GALNT14: variants seen among roughly 807,000 people sequenced by gnomAD.
GALNT14 encodes polypeptide N-acetylgalactosaminyltransferase 14, also known as UDP-GalNAc:polypeptide N-acetylgalactosaminyltransferase 14.
Under a neutral mutation model 77.5 loss-of-function variants are expected in GALNT14, and 60 were observed. The ratio of observed to expected loss-of-function variants is 0.77; its 90% CI spans 0.63 to 0.96. GALNT14 has a LOEUF of 0.96. Among genes scored for constraint, GALNT14 ranks in the 40% least tolerant of loss-of-function variants. The pLI, the probability that GALNT14 is intolerant of heterozygous loss-of-function variation, is 0.00. For missense variants in GALNT14, 710 were observed against 731.0 expected (o/e 0.97, Z 0.33); for synonymous variants, 280 against 281.7 (o/e 0.99, Z 0.06).
At chr2:31,100,905 C>A (rs1238490130) in intron 1 of GALNT14, among the ~76,000 whole-genome samples, 1 of 151,998 alleles carries the variant, frequency 6.6e-6, no homozygotes, top group Admixed American at 6.6e-5. Context: ...AATCATCTAA[C>A]ACAAACCCTA....
the GALNT14 span, among the ~76,000 whole-genome samples, chr2:30,892,763 T>C: frequency 6.6e-6 from 1 of 152,200 alleles, no homozygotes. Flanking sequence ...ACAATGCTGA[T>C]ATCCTGACTT....
At chr2:31,124,632 T>C (rs1678606240) in intron 1 of GALNT14, among the ~76,000 whole-genome samples, 1 of 152,218 alleles carries the variant, frequency 6.6e-6, no homozygotes, top group Non-Finnish European at 1.5e-5. Context: ...TTTGTTTGTT[T>C]GTTTTTGAAA....
chr2:31,049,232 G>T (rs1051471253), intron 1 of GALNT14, among the ~76,000 whole-genome samples: 2 of 152,172 alleles, frequency 1.3e-5, no homozygotes, highest in South Asian at 4.1e-4. Flanking sequence ...CTTCTCAGGG[G>T]TGGGCTCTGT....
chr2:30,958,898 A>G (rs1167242282), intron 3 of GALNT14, among the ~76,000 whole-genome samples: 1 of 152,174 alleles, frequency 6.6e-6, no homozygotes, highest in Non-Finnish European at 1.5e-5. Flanking sequence ...GAACTTTCTG[A>G]CAAGGAGCTT....
intron 2 of GALNT14, among the ~76,000 whole-genome samples, chr2:30,989,006 C>G (rs1390617975): frequency 6.6e-6 from 1 of 152,190 alleles, no homozygotes; most frequent in Non-Finnish European, 1.5e-5. Flanking sequence ...GGCCCCATCT[C>G]AGACGTACTA....
chr2:30,994,996 G>T (rs1406929122), intron 1 of GALNT14, among the ~76,000 whole-genome samples: 2 of 152,262 alleles, frequency 1.3e-5, no homozygotes, highest in East Asian at 3.9e-4. Flanking sequence ...GGTGTCAAAT[G>T]AGTTCGATCT....
intron 1 of GALNT14, 35 bp downstream of exon 1, chr2:31,137,923 A>G (rs1679301108): frequency 6.3e-7 from 1 of 1,585,710 alleles, no homozygotes; most frequent in Non-Finnish European, 8.6e-7. Flanking sequence ...CCCGCAAGCC[A>G]CCGCTCAGCG....
intron 1 of GALNT14, among the ~76,000 whole-genome samples, chr2:31,112,726 A>G (rs1677906358): frequency 6.6e-6 from 1 of 152,194 alleles, no homozygotes; most frequent in Non-Finnish European, 1.5e-5. Context: ...ATGGGCCCAC[A>G]GTCCCCTGCA....
chr2:30,889,051 A>C, the GALNT14 span, among the ~76,000 whole-genome samples: 87 of 152,104 alleles, frequency 5.7e-4, no homozygotes, highest in Middle Eastern at 3.4e-3. Context: ...GAAGCCTGGG[A>C]GTAGGACTCC....
chr2:31,046,060 T>A (rs1673433316), intron 1 of GALNT14, among the ~76,000 whole-genome samples: 1 of 152,148 alleles, frequency 6.6e-6, no homozygotes, highest in South Asian at 2.1e-4. Context: ...GCTAATCACT[T>A]TTCATGGATT....
At chr2:31,026,374 G>C (rs1266703038) in intron 1 of GALNT14, among the ~76,000 whole-genome samples, 1 of 152,192 alleles carries the variant, frequency 6.6e-6, no homozygotes, top group Non-Finnish European at 1.5e-5. Context: ...CCAAGAAGGA[G>C]AATTACTTTC....
intron 2 of GALNT14, among the ~76,000 whole-genome samples, chr2:30,988,036 C>T (rs1020143877): frequency 1.3e-5 from 2 of 152,144 alleles, no homozygotes; most frequent in African/African-American, 4.8e-5. Flanking sequence ...CTCCTGATTC[C>T]TTCTACAAGG....
intron 1 of GALNT14, among the ~76,000 whole-genome samples, chr2:31,098,647 TA>T (rs1677114215): frequency 6.6e-6 from 1 of 152,096 alleles, no homozygotes; most frequent in Admixed American, 6.6e-5. Flanking sequence ...GTGTGGGGGT[TA>T]GGGGAATCAA....
downstream of GALNT14, among the ~76,000 whole-genome samples, chr2:30,908,206 G>C (rs1222123203): frequency 6.6e-6 from 1 of 150,720 alleles, no homozygotes; most frequent in Admixed American, 6.6e-5. Flanking sequence ...GGAAGTTCTG[G>C]CCAGGGCAAT....
intron 2 of GALNT14, among the ~76,000 whole-genome samples, chr2:30,968,853 G>A (rs1046191534): frequency 3.3e-5 from 5 of 152,248 alleles, no homozygotes; most frequent in Non-Finnish European, 5.9e-5. Context: ...AGCTCCCAGT[G>A]AGAAGAGACC....
At chr2:31,011,151 G>A (rs554272644) in intron 1 of GALNT14, among the ~76,000 whole-genome samples, 6 of 152,348 alleles carry the variant, frequency 3.9e-5, no homozygotes, top group Non-Finnish European at 8.8e-5. Flanking sequence ...GTGACCTTGG[G>A]AAGTGACTTA....
intron 1 of GALNT14, among the ~76,000 whole-genome samples, chr2:31,079,572 T>A (rs1188890228): frequency 6.6e-6 from 1 of 152,186 alleles, no homozygotes; most frequent in East Asian, 1.9e-4. Flanking sequence ...CAAGTGGTTA[T>A]GATTCTCCTG....
chr2:31,133,283 C>A (rs1482332692), intron 1 of GALNT14, among the ~76,000 whole-genome samples: 5 of 152,150 alleles, frequency 3.3e-5, no homozygotes, highest in African/African-American at 1.2e-4. Flanking sequence ...TGGACAGTTA[C>A]AAAATTCCCT....
Position 30,932,196 on chromosome 2 carries a change from T to C in GALNT14, c.932-2A>G. The C allele has an allele frequency of 6.7e-7, 1 of 1,494,422 alleles. No homozygotes were observed. The highest frequency in any genetic ancestry group is 8.9e-7 in the Non-Finnish European group (1 of 1,119,116). 92.6% of individuals were successfully genotyped at this position (1,494,422 alleles called of 1,614,324 possible). A position where few individuals can be genotyped will look rare whatever the true frequency, so the allele number is the denominator to read the frequency against. On this transcript the variant is annotated splice_acceptor_variant, in intron 9 of 14. Transcript: ENST00000349752. LOFTEE classifies it high-confidence loss of function. ...ACATCCACACTCGGAAGGAGATTTC[T>C]GCAAGACAGTCACGCCCCTCCTATG... is the stretch of plus-strand genomic sequence containing the variant.
Sources: allele counts gnomAD v4.1 joint callset (sites outside exome capture counted in the v4.1 genomes callset), GRCh38; gene constraint gnomAD v4.1.1; transcripts MANE v1.5; gene names NCBI Gene and HGNC (gene_info 2026-07-23, HGNC 2026-07-21).